PINX1: variants seen among roughly 807,000 people sequenced by gnomAD.
PINX1 encodes the protein PIN2 (TERF1) interacting telomerase inhibitor 1, also known as PIN2/TERF1-interacting telomerase inhibitor 1.
Under a neutral mutation model 25.4 loss-of-function variants are expected in PINX1, and 34 were observed. That is an observed-to-expected ratio of 1.34 (90% CI 1.02 to 1.78). The LOEUF is 1.78. PINX1 is among the 40% of genes most tolerant of loss of function. PINX1 has a pLI of 0.00. For missense variants in PINX1, 592 were observed against 404.9 expected, an observed-to-expected ratio of 1.46 and a Z score of -3.97; for synonymous variants, 197 against 147.7, an observed-to-expected ratio of 1.33 and a Z score of -2.42.
chr8:10,798,699 G>A (rs190157696), intron 6 of PINX1, among the ~76,000 whole-genome samples: 1 of 152,292 alleles, frequency 6.6e-6, no homozygotes, highest in East Asian at 1.9e-4. Flanking sequence ...AAAAGGTAGA[G>A]ACACCTTTTC....
chr8:10,779,143 G>A (rs1213289649), intron 6 of PINX1, among the ~76,000 whole-genome samples: 1 of 152,176 alleles, frequency 6.6e-6, no homozygotes, highest in Non-Finnish European at 1.5e-5. Context: ...TTTTAAGACT[G>A]CCTACAATCT....
intron 6 of PINX1, among the ~76,000 whole-genome samples, chr8:10,771,794 C>G (rs1263025435): frequency 1.3e-5 from 2 of 152,182 alleles, no homozygotes; most frequent in African/African-American, 4.8e-5. Context: ...GCAGATTCCT[C>G]CCATCCACAT....
chr8:10,785,226 A>G (rs2129074769), intron 6 of PINX1, among the ~76,000 whole-genome samples: 1 of 152,364 alleles, frequency 6.6e-6, no homozygotes, highest in East Asian at 1.9e-4. Flanking sequence ...ATTCTAAACT[A>G]CACTTACAGC....
rs142829274 is a variant in PINX1, at chr8:10,820,084, T to C, written c.471+109A>G. 6.4e-4 allele frequency: 469 copies of C among 736,098 alleles called. 2 individuals carry two copies. The African/African-American group carries it at 7.0e-3, about 11-fold the overall frequency. The allele number at this position is 736,098 out of a possible 1,614,324, so 45.6% of individuals were successfully genotyped here. A position where few individuals can be genotyped will look rare whatever the true frequency, so the allele number is the denominator to read the frequency against. On this transcript the variant is annotated intron_variant, in intron 6 of 6. Coordinates refer to ENST00000314787, the MANE Select transcript of PINX1 (RefSeq NM_017884.6). ...CTGTGCATGAAGCCTCCAAAGTGTT[T>C]TGGAAAGTTTGTCAGAAAAGTACTA...
At chr8:10,813,196 TAGA>T (rs1001626142) in intron 6 of PINX1, among the ~76,000 whole-genome samples, 13 of 152,284 alleles carry the variant, frequency 8.5e-5, no homozygotes, top group African/African-American at 3.1e-4. Context: ...GGTTCTTAAT[TAGA>T]AGATTACTTT....
chr8:10,774,487 G>C (rs1021549965), intron 6 of PINX1, among the ~76,000 whole-genome samples: 1 of 152,112 alleles, frequency 6.6e-6, no homozygotes, highest in Non-Finnish European at 1.5e-5. Flanking sequence ...CTCCATGTTG[G>C]TCAGGCTGGT....
At chr8:10,771,438 G>A (rs1185755470) in intron 6 of PINX1, 1 of 152,160 alleles carries the variant, frequency 6.6e-6, no homozygotes, top group African/African-American at 2.4e-5. Context: ...ATCCTTTCTT[G>A]TTTATTCCCC....
At chr8:10,821,494 C>A (rs1052986919) in intron 5 of PINX1, among the ~76,000 whole-genome samples, 1 of 152,182 alleles carries the variant, frequency 6.6e-6, no homozygotes, top group Admixed American at 6.5e-5. Flanking sequence ...TGACACTAAG[C>A]CCTCCTGCTT....
chr8:10,818,471 C>G (rs1164571972), intron 6 of PINX1, among the ~76,000 whole-genome samples: 3 of 152,196 alleles, frequency 2.0e-5, no homozygotes, highest in Admixed American at 6.5e-5. Context: ...TAAGAGCTTT[C>G]TGCACCAAAC....
intron 6 of PINX1, among the ~76,000 whole-genome samples, chr8:10,809,369 T>C (rs148144335): frequency 2.9e-4 from 44 of 152,364 alleles, no homozygotes; most frequent in African/African-American, 1.0e-3. Flanking sequence ...AATTTATCTG[T>C]TGATTTACAG....
In PINX1 at chr8:10,805,940, G is replaced by A. The variant is rs532212476; in HGVS notation, c.471+14253C>T. Among the ~76,000 whole-genome samples the A allele has an allele frequency of 9.8e-4, 70 of 71,772 alleles. 2 individuals are homozygous for A. Among genetic ancestry groups the A allele is most frequent in the African/African-American group, 5.1e-3 (63 of 12,320 alleles). The allele number at this position is 71,772 out of a possible 152,430, so 47.1% of individuals were successfully genotyped here. ...AAGGGGCCACACTAGTGCTGAGGGG[G>A]TGACGGAGCACAGGAAGGGGCCACA... On this transcript the variant is annotated intron_variant, in intron 6 of 6. Transcript: ENST00000314787.
chr8:10,796,281 C>T (rs1802081641), intron 6 of PINX1, among the ~76,000 whole-genome samples: 1 of 152,152 alleles, frequency 6.6e-6, no homozygotes, highest in African/African-American at 2.4e-5. Context: ...AAGTCAAAGA[C>T]TCCAGGCATG....
At chr8:10,821,605 A>C (rs1369070510) in intron 5 of PINX1, among the ~76,000 whole-genome samples, 1 of 152,210 alleles carries the variant, frequency 6.6e-6, no homozygotes, top group East Asian at 1.9e-4. Flanking sequence ...ATGAACCGGG[A>C]AAGTGGGGAA....
intron 6 of PINX1, among the ~76,000 whole-genome samples, chr8:10,807,419 T>A (rs1802488608): frequency 7.4e-6 from 1 of 134,706 alleles, no homozygotes; most frequent in Non-Finnish European, 1.5e-5. Flanking sequence ...GTGCTTCAAC[T>A]ACTGGCTTCC....
chr8:10,812,391 A>G (rs1235176363), intron 6 of PINX1, among the ~76,000 whole-genome samples: 3 of 152,140 alleles, frequency 2.0e-5, no homozygotes, highest in African/African-American at 7.2e-5. Flanking sequence ...TTTACTCCAG[A>G]ATGAGAGAAG....
At chr8:10,773,923 G>A (rs1043386014) in intron 6 of PINX1, among the ~76,000 whole-genome samples, 1 of 152,202 alleles carries the variant, frequency 6.6e-6, no homozygotes, top group African/African-American at 2.4e-5. Flanking sequence ...GAAGATAAAC[G>A]AGGCTCCTCC....
chr8:10,803,064 A>G (rs965784387), intron 6 of PINX1, among the ~76,000 whole-genome samples: 1 of 152,242 alleles, frequency 6.6e-6, no homozygotes, highest in African/African-American at 2.4e-5. Context: ...ATTAAAGAAC[A>G]TATTATTAGT....
chr8:10,828,810 T>A lies in PINX1; in HGVS notation c.302-2566A>T, dbSNP rs1052588939. ...TTACAAAGGAAAGGCACAACTTTCC[T>A]CTTACCGGGATCAATGAGGGACAAG... On this transcript the variant is annotated intron_variant, in intron 4 of 6. Coordinates refer to ENST00000314787, the MANE Select transcript of PINX1 (RefSeq NM_017884.6). Among the ~76,000 whole-genome samples, 28 of 152,032 alleles carry A rather than the reference T, an allele frequency of 1.8e-4. 1 individual carries two copies. Among genetic ancestry groups the A allele is most frequent in the Admixed American group, 3.3e-4 (5 of 15,260 alleles).
intron 6 of PINX1, among the ~76,000 whole-genome samples, chr8:10,775,517 G>T (rs1030096879): frequency 4.2e-5 from 6 of 143,116 alleles, no homozygotes; most frequent in Non-Finnish European, 9.0e-5. Flanking sequence ...GCAGAAAAAT[G>T]AAGTTTTAAA....
Sources: gnomAD v4.1 joint callset for allele counts (sites outside exome capture counted in the v4.1 genomes callset) on GRCh38, gnomAD v4.1.1 for gene constraint, MANE v1.5 for transcripts, NCBI Gene and HGNC (gene_info 2026-07-23, HGNC 2026-07-21) for gene names.